PIK3R3: variants seen among roughly 807,000 people sequenced by gnomAD.
The protein encoded by PIK3R3 is phosphoinositide-3-kinase regulatory subunit 3.
Under a neutral mutation model 62.9 loss-of-function variants are expected in PIK3R3, and 64 were observed. The observed-to-expected ratio is 1.02, with a 90% CI of 0.83 to 1.25. The LOEUF is 1.25. PIK3R3 is among the 50% of genes most tolerant of loss of function. The pLI, the probability that PIK3R3 is intolerant of heterozygous loss-of-function variation, is 0.00. For missense variants in PIK3R3, 614 were observed against 561.6 expected (o/e 1.09, Z -0.94); for synonymous variants, 165 against 189.0 (o/e 0.87, Z 1.04).
intron 7 of PIK3R3, among the ~76,000 whole-genome samples, chr1:46,049,965 C>CA (rs978308537): frequency 6.6e-6 from 1 of 151,410 alleles, no homozygotes; most frequent in Non-Finnish European, 1.5e-5. Flanking sequence ...ACTAAAAATA[C>CA]AAAAAATTAG....
At chr1:46,138,756 T>C in the PIK3R3 span, 1 of 152,264 alleles carries the variant, frequency 6.6e-6, no homozygotes, top group Non-Finnish European at 1.5e-5. Context: ...AGATCACCAC[T>C]TGGGTAAGAA....
At chr1:46,163,484 C>A in the PIK3R3 span, among the ~76,000 whole-genome samples, 131 of 152,310 alleles carry the variant, frequency 8.6e-4, no homozygotes, top group East Asian at 0.022. Flanking sequence ...AGGACACATT[C>A]TGCCTAGAGG....
At chr1:46,082,253 G>T (rs1650667094) in intron 1 of PIK3R3, among the ~76,000 whole-genome samples, 1 of 152,120 alleles carries the variant, frequency 6.6e-6, no homozygotes, top group Non-Finnish European at 1.5e-5. Context: ...TGTATAAACT[G>T]AATCTAATCA....
At chr1:46,049,918 G>A (rs1319336018) in intron 7 of PIK3R3, among the ~76,000 whole-genome samples, 1 of 151,956 alleles carries the variant, frequency 6.6e-6, no homozygotes, top group Admixed American at 6.6e-5. Flanking sequence ...TCAGGAGTTC[G>A]AGACCAGGCT....
At chr1:46,106,165 C>T (rs1210003158) in intron 1 of PIK3R3, among the ~76,000 whole-genome samples, 3 of 152,056 alleles carry the variant, frequency 2.0e-5, no homozygotes, top group Non-Finnish European at 1.5e-5. Context: ...GTACAATGGA[C>T]GACTATGGCT....
chr1:46,115,205 G>A (rs911427212), intron 1 of PIK3R3, among the ~76,000 whole-genome samples: 3 of 152,088 alleles, frequency 2.0e-5, no homozygotes, highest in Non-Finnish European at 4.4e-5. Flanking sequence ...TAGAAAAACA[G>A]GGCCAAAGCC....
intron 1 of PIK3R3, among the ~76,000 whole-genome samples, chr1:46,104,588 C>T (rs1161473800): frequency 6.6e-6 from 1 of 152,102 alleles, no homozygotes; most frequent in African/African-American, 2.4e-5. Flanking sequence ...GCAGCAGTTG[C>T]ATTACCACAG....
intron 1 of PIK3R3, among the ~76,000 whole-genome samples, chr1:46,103,165 A>G (rs771211050): frequency 2.0e-5 from 3 of 152,208 alleles, no homozygotes; most frequent in Non-Finnish European, 4.4e-5. Flanking sequence ...GTTGCGTGAT[A>G]GGGGAAACGA....
intron 1 of PIK3R3, among the ~76,000 whole-genome samples, chr1:46,127,272 G>A (rs1467393603): frequency 6.6e-6 from 1 of 151,058 alleles, no homozygotes; most frequent in Non-Finnish European, 1.5e-5. Context: ...AGCCCAGGAG[G>A]TTGAGGCTGC....
At chr1:46,151,623 G>T in the PIK3R3 span, among the ~76,000 whole-genome samples, 11 of 152,250 alleles carry the variant, frequency 7.2e-5, no homozygotes, top group East Asian at 1.4e-3. Context: ...GCCCATTCCT[G>T]GTCTCTTGTT....
At chr1:46,090,273 T>G (rs1241005373) in intron 1 of PIK3R3, among the ~76,000 whole-genome samples, 2 of 152,108 alleles carry the variant, frequency 1.3e-5, no homozygotes, top group African/African-American at 4.8e-5. Context: ...GATTGTTGTA[T>G]TTTCAGGAAT....
At chr1:46,074,312 A>C (rs918821251) in intron 3 of PIK3R3, among the ~76,000 whole-genome samples, 5 of 145,884 alleles carry the variant, frequency 3.4e-5, no homozygotes, top group Admixed American at 6.8e-5. Context: ...AAAAAAAAAA[A>C]AAAAACCAAT....
chr1:46,062,567 T>C (rs1292365150), intron 5 of PIK3R3, among the ~76,000 whole-genome samples: 1 of 129,442 alleles, frequency 7.7e-6, no homozygotes, highest in African/African-American at 2.8e-5. Flanking sequence ...AGGGCAAGAC[T>C]TTGTCTCAAA....
At chr1:46,173,299 G>C in the PIK3R3 span, among the ~76,000 whole-genome samples, 2 of 152,204 alleles carry the variant, frequency 1.3e-5, no homozygotes, top group Admixed American at 6.5e-5. Flanking sequence ...ACCTCCTCAC[G>C]ATTTAATGAA....
intron 3 of PIK3R3, among the ~76,000 whole-genome samples, chr1:46,067,483 T>C (rs1649118274): frequency 6.6e-6 from 1 of 151,966 alleles, no homozygotes; most frequent in South Asian, 2.1e-4. Context: ...AGAAAAAATC[T>C]CTTAAGGACC....
chr1:46,051,307 C>T (rs1647322691), intron 7 of PIK3R3, among the ~76,000 whole-genome samples: 1 of 151,948 alleles, frequency 6.6e-6, no homozygotes, highest in Non-Finnish European at 1.5e-5. Context: ...GTTGCCCAGG[C>T]TAGAGTGCAG....
In PIK3R3 at chr1:46,046,078, T is replaced by C; in HGVS notation, c.1027A>G (p.Ile343Val). 3 of 1,585,334 alleles carry C rather than the reference T, an allele frequency of 1.9e-6. No individual in the cohort carries two copies. The highest frequency in any genetic ancestry group is 1.1e-5 in the South Asian group (1 of 87,884). The change falls in exon 9 of 10, where the codon ATC becomes GTC. Residue 343 changes from isoleucine to valine, a missense_variant. By Grantham distance (29) the Ile-to-Val change is conservative. Transcript: ENST00000262741. The part of the protein sequence containing the change: ...KNEDADENYF[I>V]NEEDENLPHY... Reference sequence around the variant, plus strand: ...GGCAGGTTTTCATCTTCCTCATTGATAAAATAGTTCCTAAAAATTAAATAT... The same window carrying C: ...GGCAGGTTTTCATCTTCCTCATTGACAAAATAGTTCCTAAAAATTAAATAT...
At chr1:46,131,628 A>AACCCCC in intron 1 of PIK3R3, 1 of 113,476 alleles carries the variant, frequency 8.8e-6, no homozygotes, top group South Asian at 7.5e-5. Flanking sequence ...CCCCACTTCC[A>AACCCCC]GCCCCCACCC....
In PIK3R3 at chr1:46,132,059, G is replaced by A; in HGVS notation, c.-107C>T. 1.3e-6 allele frequency: 2 copies of A among 1,483,812 alleles called. No homozygotes were observed. Among genetic ancestry groups the A allele is most frequent in the Non-Finnish European group, 1.8e-6 (2 of 1,118,518 alleles). The allele number at this position is 1,483,812 out of a possible 1,614,324, so 91.9% of individuals were successfully genotyped here. ...ATCTGCAAAAGTTCCACACGGAAAT[G>A]TACTTCGGGTTTTCCAACGGCCAGT... On this transcript the variant is annotated 5_prime_UTR_variant, in exon 1 of 10. Transcript: ENST00000262741.
Sources: allele counts gnomAD v4.1 joint callset (sites outside exome capture counted in the v4.1 genomes callset), GRCh38; gene constraint gnomAD v4.1.1; transcripts MANE v1.5; gene names NCBI Gene and HGNC (gene_info 2026-07-23, HGNC 2026-07-21).